Variants in RUNX3 observed in about 807,000 individuals in gnomAD.
The protein encoded by RUNX3 is runt-related transcription factor 3.
Under a neutral mutation model 27.7 loss-of-function variants are expected in RUNX3, and 10 were observed. That is an observed-to-expected ratio of 0.36 (90% CI 0.22 to 0.61). The LOEUF is 0.61. Ranked by LOEUF, RUNX3 falls within the 20% of genes least tolerant of loss-of-function variation. The pLI, the probability that RUNX3 is intolerant of heterozygous loss-of-function variation, is 0.72. For synonymous variants in RUNX3, 270 were observed against 269.2 expected (o/e 1.00, Z -0.03); for missense variants, 469 against 629.5 (o/e 0.75, Z 2.73).
chr1:24,932,040 C>T (rs566603618), upstream of RUNX3, among the ~76,000 whole-genome samples: 1 of 152,294 alleles, frequency 6.6e-6, no homozygotes, highest in African/African-American at 2.4e-5. Flanking sequence ...GGGCCCTGGC[C>T]GGGGGCGGGC....
At chr1:24,912,280 C>A (rs1446708357) in intron 3 of RUNX3, among the ~76,000 whole-genome samples, 1 of 152,200 alleles carries the variant, frequency 6.6e-6, no homozygotes, top group Non-Finnish European at 1.5e-5. Context: ...TAGCAAAGAT[C>A]AGCCGCTGGT....
chr1:24,956,927 A>G (rs571644300), intron 2 of RUNX3, among the ~76,000 whole-genome samples: 1 of 152,280 alleles, frequency 6.6e-6, no homozygotes, highest in Admixed American at 6.5e-5. Context: ...AAGGCCAAGG[A>G]ATCAGGCAGA....
chr1:24,931,065 C>G (rs1641217438), upstream of RUNX3, among the ~76,000 whole-genome samples: 1 of 152,248 alleles, frequency 6.6e-6, no homozygotes, highest in African/African-American at 2.4e-5. Context: ...ACGACGAGGC[C>G]TGCAAAATGC....
upstream of RUNX3, among the ~76,000 whole-genome samples, chr1:24,935,085 A>T (rs1641317519): frequency 6.6e-6 from 1 of 152,212 alleles, no homozygotes; most frequent in Non-Finnish European, 1.5e-5. Context: ...AAAGGGCGTG[A>T]TCAGGATCTG....
In RUNX3 at chr1:24,929,148, C is replaced by G. The variant is rs755421925; in HGVS notation, c.282+439G>C. 4.1e-5 allele frequency: 19 copies of G among 465,236 alleles called. No homozygotes were observed. The East Asian group carries it at 1.2e-3, about 30-fold the overall frequency. 28.8% of individuals were successfully genotyped at this position (465,236 alleles called of 1,614,324 possible). A position where few individuals can be genotyped will look rare whatever the true frequency, so the allele number is the denominator to read the frequency against. On this transcript the variant is annotated intron_variant, in intron 1 of 4. Coordinates refer to ENST00000308873, the MANE Select transcript of RUNX3 (RefSeq NM_004350.3). Reference sequence around the variant, plus strand: ...GAAGCCCGAGGGTGTGAGCAGGAAGCTTTTGCGAAGCGGCGCGGGAGGAGG... The same window carrying G: ...GAAGCCCGAGGGTGTGAGCAGGAAGGTTTTGCGAAGCGGCGCGGGAGGAGG...
intron 2 of RUNX3, among the ~76,000 whole-genome samples, chr1:24,963,289 C>T (rs1488566790): frequency 6.6e-6 from 1 of 152,196 alleles, no homozygotes; most frequent in Non-Finnish European, 1.5e-5. Flanking sequence ...TGCCCCGAGC[C>T]GGCCACCCAG....
rs533416507 is a variant in RUNX3, at chr1:24,942,791, GA to G, written c.59-12940del. 8.9e-3 allele frequency among the ~76,000 whole-genome samples: 1,363 copies of G among 152,356 alleles called. 8 individuals carry two copies. Among genetic ancestry groups the G allele is most frequent in the Non-Finnish European group, 0.015 (988 of 68,034 alleles). ...TGCAGGAAACTGAGGCTAGAGTGGG[GA>G]GGGTCAGCATCAGCGGTGCCCTAAT... is the stretch of plus-strand genomic sequence containing the variant. On this transcript the variant is annotated intron_variant, in intron 2 of 6. Transcript: ENST00000338888.
At chr1:24,918,610 T>G (rs779634276) in intron 3 of RUNX3, among the ~76,000 whole-genome samples, 16 of 151,942 alleles carry the variant, frequency 1.1e-4, no homozygotes, top group South Asian at 6.3e-4. Flanking sequence ...CAGTCAGTCA[T>G]TCATTCATTC....
chr1:24,939,008 T>C (rs569185582), intron 2 of RUNX3, among the ~76,000 whole-genome samples: 4 of 152,310 alleles, frequency 2.6e-5, no homozygotes, highest in Admixed American at 2.6e-4. Context: ...GGCCAGGGGA[T>C]GGCAGCAACC....
At chr1:24,928,080 A>G (rs879417756) in intron 1 of RUNX3, among the ~76,000 whole-genome samples, 2 of 152,234 alleles carry the variant, frequency 1.3e-5, no homozygotes, top group Non-Finnish European at 2.9e-5. Flanking sequence ...GGCTGCAGCG[A>G]AAGAGGAATC....
chr1:24,927,713 G>C lies in RUNX3; in HGVS notation c.300C>G (p.Asp100Glu). The change falls in exon 2 of 5, where the codon GAC (aspartate) becomes GAG (glutamate). Residue 100 changes from aspartate to glutamate, a missense_variant. By Grantham distance (45) the Asp-to-Glu change is conservative. This residue lies in a region of RUNX3 where 75 missense variants were observed against 168.5 expected (regional missense o/e 0.45). Coordinates refer to ENST00000308873, the MANE Select transcript of RUNX3 (RefSeq NM_004350.3). The surrounding 1 kb of genome is among the most constrained non-coding windows in gnomAD (Gnocchi z 5.0). Reference protein sequence around the residue: ...PVAFKVVALGDVPDGTVVTVM... With the variant: ...PVAFKVVALGEVPDGTVVTVM... ...CAGTCACCACCGTACCATCCGGCACGTCCCCCAATGCCACCACCTGAAGAC... is the reference window on the plus strand; with the variant it reads ...CAGTCACCACCGTACCATCCGGCACCTCCCCCAATGCCACCACCTGAAGAC... The C allele has an allele frequency of 6.2e-7, 1 of 1,613,950 alleles. No homozygotes were observed. The highest frequency in any genetic ancestry group is 8.5e-7 in the Non-Finnish European group (1 of 1,179,972).
chr1:24,952,940 A>C (rs1641803943), intron 2 of RUNX3, among the ~76,000 whole-genome samples: 1 of 152,084 alleles, frequency 6.6e-6, no homozygotes, highest in Non-Finnish European at 1.5e-5. Context: ...TAGGCTTTTA[A>C]AAAACTCAGG....
Position 24,902,007 on chromosome 1 carries a change from G to T in RUNX3, c.*115C>A. The T allele has an allele frequency of 9.6e-7, 1 of 1,037,036 alleles. No individual in the cohort carries two copies. The highest frequency in any genetic ancestry group is 1.4e-6 in the Non-Finnish European group (1 of 736,012). 64.2% of individuals were successfully genotyped at this position (1,037,036 alleles called of 1,614,324 possible). ...CACCAGCTGGGACCACCCTGGGACC[G>T]AGACCACCCTGGAGCGCAGGTCCCA... On this transcript the variant is annotated 3_prime_UTR_variant, in exon 5 of 5. Transcript: ENST00000308873. This position sits in a 1 kb window ranked among gnomAD's most constrained non-coding sequence, Gnocchi z 9.2.
At chr1:24,920,708 C>T (rs1408295642) in intron 2 of RUNX3, among the ~76,000 whole-genome samples, 2 of 152,190 alleles carry the variant, frequency 1.3e-5, no homozygotes, top group Admixed American at 6.5e-5. Flanking sequence ...TGCCTTCACA[C>T]GCTGGGTGGT....
chr1:24,941,660 A>C (rs1641482339), intron 2 of RUNX3, among the ~76,000 whole-genome samples: 2 of 152,156 alleles, frequency 1.3e-5, no homozygotes, highest in African/African-American at 4.8e-5. Flanking sequence ...CGGTGGCTCC[A>C]GGGTCCACAG....
At chr1:24,936,253 G>A (rs1427676897) in intron 2 of RUNX3, among the ~76,000 whole-genome samples, 1 of 152,224 alleles carries the variant, frequency 6.6e-6, no homozygotes, top group Non-Finnish European at 1.5e-5. Context: ...TTAGGGAGTA[G>A]CGACAGTTAT....
chr1:24,935,879 A>G (rs1183060101), intron 2 of RUNX3, among the ~76,000 whole-genome samples: 2 of 152,186 alleles, frequency 1.3e-5, no homozygotes, highest in Non-Finnish European at 2.9e-5. Context: ...TCCGAAAGTA[A>G]AGAGCTTTTC....
upstream of RUNX3, among the ~76,000 whole-genome samples, chr1:24,934,549 G>A (rs1247981592): frequency 6.6e-6 from 1 of 152,160 alleles, no homozygotes. Flanking sequence ...AGTAACAGCT[G>A]GGGGTGCTGA....
intron 2 of RUNX3, among the ~76,000 whole-genome samples, chr1:24,942,864 G>A (rs61774731): frequency 0.11 from 16,986 of 152,230 alleles, 1,010 homozygotes; most frequent in South Asian, 0.16. Context: ...GTGCTCCTCG[G>A]AGCCTGCCCA....
Sources: gnomAD v4.1 joint callset for allele counts (sites outside exome capture counted in the v4.1 genomes callset) on GRCh38, gnomAD v4.1.1 for gene constraint, gnomAD v4.1.1 regional missense constraint, Gnocchi (gnomAD v3.1) non-coding constraint, MANE v1.5 for transcripts, NCBI Gene and HGNC (gene_info 2026-07-23, HGNC 2026-07-21) for gene names.